The following IGSF11 variants were observed in gnomAD, a reference collection of about 807,000 sequenced individuals.
IGSF11 encodes the protein immunoglobulin superfamily member 11, also known as CXADR like 1.
A neutral mutation model predicts 41.0 loss-of-function variants in IGSF11; 22 were observed. That is an observed-to-expected ratio of 0.54 (90% CI 0.38 to 0.77). The LOEUF (loss-of-function observed/expected upper bound fraction) is 0.77, where lower values mean the gene tolerates loss of function less well. IGSF11 is among the 30% of genes least tolerant of loss of function. IGSF11 has a pLI of 0.00. For synonymous variants in IGSF11, 219 were observed against 201.3 expected, an observed-to-expected ratio of 1.09 and a Z score of -0.74; for missense variants, 444 against 530.8, an observed-to-expected ratio of 0.84 and a Z score of 1.61.
intron 1 of IGSF11, among the ~76,000 whole-genome samples, chr3:119,014,978 T>C (rs950709024): frequency 2.6e-5 from 4 of 152,124 alleles, no homozygotes; most frequent in African/African-American, 9.7e-5. Context: ...GCTAAATGTC[T>C]TTTTAGCAGT....
chr3:118,982,352 C>T (rs1934820138), intron 1 of IGSF11, among the ~76,000 whole-genome samples: 1 of 152,172 alleles, frequency 6.6e-6, no homozygotes, highest in Non-Finnish European at 1.5e-5. Context: ...CCCTCCTTTC[C>T]TCAAAAACTT....
intron 4 of IGSF11, among the ~76,000 whole-genome samples, chr3:118,920,588 T>C (rs1277216700): frequency 6.6e-6 from 1 of 151,566 alleles, no homozygotes; most frequent in Non-Finnish European, 1.5e-5. Flanking sequence ...CTGCATCTTT[T>C]AATTTTAATA....
chr3:119,086,065 T>C (rs2076666845), intron 1 of IGSF11, among the ~76,000 whole-genome samples: 1 of 152,232 alleles, frequency 6.6e-6, no homozygotes, highest in African/African-American at 2.4e-5. Flanking sequence ...AAGTCATTTA[T>C]GGCATATGCA....
intron 1 of IGSF11, among the ~76,000 whole-genome samples, chr3:119,033,248 A>C (rs1056562064): frequency 6.6e-6 from 1 of 152,210 alleles, no homozygotes; most frequent in Non-Finnish European, 1.5e-5. Context: ...TATTGGTAAT[A>C]TTTAGAGCTG....
At chr3:118,951,760 T>C (rs1222510716) in intron 1 of IGSF11, among the ~76,000 whole-genome samples, 2 of 152,140 alleles carry the variant, frequency 1.3e-5, no homozygotes, top group Non-Finnish European at 2.9e-5. Context: ...CCTACAAATA[T>C]TCTCTCAAAT....
intron 1 of IGSF11, among the ~76,000 whole-genome samples, chr3:118,978,110 G>A (rs1307779826): frequency 6.6e-6 from 1 of 152,160 alleles, no homozygotes; most frequent in East Asian, 1.9e-4. Flanking sequence ...CTGATAGCAG[G>A]TCCACAACAC....
chr3:119,105,078 C>A (rs201400231), intron 1 of IGSF11: 1 of 1,024,836 alleles, frequency 9.8e-7, no homozygotes, highest in Non-Finnish European at 1.5e-6. Context: ...GCCTTTCACT[C>A]AGCCAGGCCA....
upstream of IGSF11, among the ~76,000 whole-genome samples, chr3:119,035,756 T>C (rs911484553): frequency 4.6e-5 from 7 of 152,212 alleles, no homozygotes; most frequent in Non-Finnish European, 2.9e-5. Flanking sequence ...CTGCTCTTTA[T>C]TGTACAGCTC....
chr3:118,938,869 G>A (rs576747487), intron 1 of IGSF11, among the ~76,000 whole-genome samples: 62 of 152,256 alleles, frequency 4.1e-4, no homozygotes, highest in African/African-American at 1.2e-3. Context: ...ATAAAACGGC[G>A]TGCTGACTCA....
rs72970438 is a variant in IGSF11, at chr3:119,008,908, C to T, written c.52+25623G>A. 6.7e-3 allele frequency among the ~76,000 whole-genome samples: 1,014 copies of T among 152,286 alleles called. 16 individuals carry two copies. Among genetic ancestry groups the T allele is most frequent in the African/African-American group, 0.023 (957 of 41,552 alleles). On this transcript the variant is annotated intron_variant, in intron 1 of 6. Transcript: ENST00000393775. ...CCTCCGAAAAGCAAGAGAGAATTCT[C>T]CTGCCAACTGCAACATCACTTCTTC... is the stretch of plus-strand genomic sequence containing the variant.
chr3:118,995,970 G>A (rs1486477611), intron 1 of IGSF11, among the ~76,000 whole-genome samples: 4 of 151,910 alleles, frequency 2.6e-5, no homozygotes, highest in African/African-American at 9.7e-5. Context: ...TTTTAGTAGA[G>A]ACAGAGTTTC....
chr3:119,021,502 G>A (rs1426055549), intron 1 of IGSF11, among the ~76,000 whole-genome samples: 1 of 152,028 alleles, frequency 6.6e-6, no homozygotes, highest in Non-Finnish European at 1.5e-5. Flanking sequence ...AGAGTTTATT[G>A]ATCACTCACC....
rs200289450 is a variant in IGSF11, at chr3:119,054,902, G to C, written c.49+50242C>G. Among the ~76,000 whole-genome samples the C allele has an allele frequency of 5.1e-5, 5 of 97,414 alleles. No homozygotes were observed. In the East Asian group the frequency reaches 1.3e-3, roughly 26 times the overall value. 63.9% of individuals were successfully genotyped at this position (97,414 alleles called of 152,430 possible). ...CTCCTCAAGTGGGTCCCTGACACCT[G>C]AGTAGCCTAACTGGGAGGCACCCCC... On this transcript the variant is annotated intron_variant, in intron 1 of 6. Coordinates refer to the IGSF11 transcript ENST00000354673.
intron 1 of IGSF11, among the ~76,000 whole-genome samples, chr3:119,142,321 G>A (rs916761607): frequency 6.9e-6 from 1 of 145,500 alleles, no homozygotes; most frequent in Non-Finnish European, 1.5e-5. Flanking sequence ...TGGACATCCA[G>A]AAAAGCACAT....
intron 1 of IGSF11, among the ~76,000 whole-genome samples, chr3:119,089,446 T>C (rs1459267148): frequency 6.6e-6 from 1 of 152,028 alleles, no homozygotes; most frequent in Non-Finnish European, 1.5e-5. Context: ...ACAAGACCTA[T>C]CTATGACAAA....
chr3:118,910,640 TC>T (rs1352670108), intron 4 of IGSF11, among the ~76,000 whole-genome samples: 1 of 152,174 alleles, frequency 6.6e-6, no homozygotes, highest in Non-Finnish European at 1.5e-5. Flanking sequence ...AAAGATAACA[TC>T]CAAACTCCTT....
chr3:119,144,371 A>T (rs775678817), intron 1 of IGSF11, among the ~76,000 whole-genome samples: 8 of 152,246 alleles, frequency 5.3e-5, no homozygotes, highest in Non-Finnish European at 1.2e-4. Context: ...TTTCCATGGA[A>T]TATTCTCCAG....
chr3:119,108,056 G>C (rs1265815731), upstream of IGSF11, among the ~76,000 whole-genome samples: 7 of 151,786 alleles, frequency 4.6e-5, no homozygotes, highest in African/African-American at 1.7e-4. Flanking sequence ...GCTTAGGATT[G>C]ACTTGGCAAT....
intron 1 of IGSF11, among the ~76,000 whole-genome samples, chr3:118,973,359 C>G (rs564091073): frequency 6.6e-6 from 1 of 152,244 alleles, no homozygotes; most frequent in East Asian, 1.9e-4. Flanking sequence ...AGGATAAGTC[C>G]CCTCAAAACT....
Sources: gnomAD v4.1 joint callset for allele counts (sites outside exome capture counted in the v4.1 genomes callset) on GRCh38, gnomAD v4.1.1 for gene constraint, MANE v1.5 for transcripts, NCBI Gene and HGNC (gene_info 2026-07-23, HGNC 2026-07-21) for gene names.